Variants in TMEFF1 observed in about 807,000 individuals in gnomAD.
The protein encoded by TMEFF1 is transmembrane protein with EGF like and two follistatin like domains 1.
Under a neutral mutation model 47.5 loss-of-function variants are expected in TMEFF1, and 20 were observed. The observed-to-expected ratio is 0.42, with a 90% CI of 0.30 to 0.61. TMEFF1 has a LOEUF of 0.61. TMEFF1 is among the 20% of genes least tolerant of loss of function. TMEFF1 has a pLI of 0.19. For missense variants in TMEFF1, 411 were observed against 471.1 expected, an observed-to-expected ratio of 0.87 and a Z score of 1.18; for synonymous variants, 162 against 166.3, an observed-to-expected ratio of 0.97 and a Z score of 0.20.
chr9:100,547,687 C>T, intron 5 of TMEFF1, 57 bp from the exon 6 acceptor site: 3 of 1,389,580 alleles, frequency 2.2e-6, no homozygotes, highest in Admixed American at 2.6e-5. Flanking sequence ...TTTGCTGTTG[C>T]AGCATTGTGA....
chr9:100,568,146 A>T (rs1025402026), intron 8 of TMEFF1, among the ~76,000 whole-genome samples: 3 of 152,174 alleles, frequency 2.0e-5, no homozygotes, highest in African/African-American at 7.2e-5. Flanking sequence ...AGATAGTATA[A>T]CCAAAAGTCA....
chr9:100,547,375 A>G (rs1838755573), intron 5 of TMEFF1, among the ~76,000 whole-genome samples: 1 of 152,184 alleles, frequency 6.6e-6, no homozygotes. Context: ...GAATTTGGAT[A>G]CAAATCTGGT....
At chr9:100,506,839 C>A (rs1837873491) in intron 2 of TMEFF1, among the ~76,000 whole-genome samples, 1 of 148,962 alleles carries the variant, frequency 6.7e-6, no homozygotes, top group African/African-American at 2.5e-5. Flanking sequence ...ACTTTGTTAG[C>A]TTTTCTTGTC....
chr9:100,479,583 C>T (rs1186313701), intron 1 of TMEFF1, among the ~76,000 whole-genome samples: 2 of 152,140 alleles, frequency 1.3e-5, no homozygotes, highest in East Asian at 1.9e-4. Flanking sequence ...TATGGATTTG[C>T]CTATTCTAGA....
At chr9:100,575,730 T>G (rs2800284) in intron 9 of TMEFF1, among the ~76,000 whole-genome samples, 38,800 of 151,952 alleles carry the variant, frequency 0.26, 6,374 homozygotes, top group Admixed American at 0.39. Flanking sequence ...TTTTTACATA[T>G]AGGAGAATTG....
intron 2 of TMEFF1, among the ~76,000 whole-genome samples, chr9:100,506,766 C>CAAAAA (rs58345253): frequency 1.4e-4 from 6 of 43,358 alleles, no homozygotes; most frequent in East Asian, 5.9e-4. Flanking sequence ...GACTCCATCT[C>CAAAAA]AAAAAAAAAA....
chr9:100,513,195 G>C, intron 3 of TMEFF1, 112 bp from the exon 4 acceptor site: 1 of 1,390,552 alleles, frequency 7.2e-7, no homozygotes, highest in Non-Finnish European at 9.9e-7. Context: ...ATGAGAAAAG[G>C]ACTCTTTGAG....
At chr9:100,543,704 A>AAAACACACACACACAC (rs1038685574) in intron 5 of TMEFF1, among the ~76,000 whole-genome samples, 1 of 138,824 alleles carries the variant, frequency 7.2e-6, no homozygotes, top group Non-Finnish European at 1.6e-5. Flanking sequence ...GATGAAGTAA[A>AAAACACACACACACAC]ACACACACAC....
intron 1 of TMEFF1, among the ~76,000 whole-genome samples, chr9:100,486,265 T>A (rs1261981315): frequency 6.6e-6 from 1 of 152,194 alleles, no homozygotes; most frequent in Non-Finnish European, 1.5e-5. Context: ...TTTTTGAACT[T>A]GAGTTTTGCT....
At chr9:100,501,312 A>G (rs1010848889) in intron 2 of TMEFF1, among the ~76,000 whole-genome samples, 1 of 152,144 alleles carries the variant, frequency 6.6e-6, no homozygotes, top group East Asian at 1.9e-4. Flanking sequence ...CAACCTTTTG[A>G]TAGTGGATTT....
At chr9:100,574,838 A>G (rs747961449) in intron 9 of TMEFF1, among the ~76,000 whole-genome samples, 1 of 152,174 alleles carries the variant, frequency 6.6e-6, no homozygotes, top group Non-Finnish European at 1.5e-5. Flanking sequence ...CAACTCTTTC[A>G]GTGCTATAAT....
intron 5 of TMEFF1, among the ~76,000 whole-genome samples, chr9:100,543,704 A>AACACATAC (rs1838677415): frequency 7.2e-6 from 1 of 138,824 alleles, no homozygotes; most frequent in Admixed American, 7.3e-5. Context: ...GATGAAGTAA[A>AACACATAC]ACACACACAC....
At chr9:100,519,491 G>T (rs543353136) in intron 5 of TMEFF1, among the ~76,000 whole-genome samples, 2 of 151,810 alleles carry the variant, frequency 1.3e-5, no homozygotes, top group Non-Finnish European at 2.9e-5. Flanking sequence ...AATCATTGAC[G>T]ACTAAAGTCA....
chr9:100,561,384 ATGTTC>A lies in TMEFF1; in HGVS notation c.776-11_776-7del, dbSNP rs1474771403. 6.2e-7 allele frequency: 1 copy of A among 1,609,530 alleles called. No individual in the cohort carries two copies. Among genetic ancestry groups the A allele is most frequent in the African/African-American group, 1.3e-5 (1 of 74,614 alleles). On this transcript the variant is annotated splice_region_variant and splice_polypyrimidine_tract_variant and intron_variant, in intron 7 of 9. Coordinates refer to ENST00000374879, the MANE Select transcript of TMEFF1 (RefSeq NM_003692.5). ...GTTTCATTGTTGAACGATCTGGTTT[ATGTTC>A]TTTTAAGATGCTAGTGATCAAAGAG...
intron 2 of TMEFF1, among the ~76,000 whole-genome samples, chr9:100,505,922 T>C (rs998455040): frequency 6.6e-6 from 1 of 152,202 alleles, no homozygotes; most frequent in Non-Finnish European, 1.5e-5. Flanking sequence ...CAAAGTAACA[T>C]TGACTTATGT....
rs1838243216 is a variant in TMEFF1, at chr9:100,525,760, G to A, written c.560+8989G>A. Among the ~76,000 whole-genome samples, 3 of 152,126 alleles carry A rather than the reference G, an allele frequency of 2.0e-5. No homozygotes were observed. The South Asian group carries it at 6.2e-4, about 32-fold the overall frequency. On this transcript the variant is annotated intron_variant, in intron 5 of 9. Transcript: ENST00000374879. ...GTTTTTCTGGTGACATTAACTCCCT[G>A]CCCCCTCACCCCATGAGTCATCTCA...
intron 1 of TMEFF1, among the ~76,000 whole-genome samples, chr9:100,478,462 T>TGAATTA (rs1837275226): frequency 6.6e-6 from 1 of 152,170 alleles, no homozygotes; most frequent in African/African-American, 2.4e-5. Flanking sequence ...TACAGGTGCG[T>TGAATTA]GCCACCACAC....
intron 7 of TMEFF1, among the ~76,000 whole-genome samples, chr9:100,551,662 T>G (rs569180019): frequency 6.6e-6 from 1 of 152,222 alleles, no homozygotes; most frequent in Non-Finnish European, 1.5e-5. Context: ...AGAATTGATC[T>G]CTAATTTAAA....
intron 1 of TMEFF1, 114 bp from the exon 2 acceptor site, chr9:100,498,651 G>T: frequency 2.4e-6 from 2 of 848,448 alleles, no homozygotes; most frequent in East Asian, 2.7e-5. Flanking sequence ...ACTTCTGAAT[G>T]GGGGGGCTCA....
Sources: allele counts gnomAD v4.1 joint callset (sites outside exome capture counted in the v4.1 genomes callset), GRCh38; gene constraint gnomAD v4.1.1; transcripts MANE v1.5; gene names NCBI Gene and HGNC (gene_info 2026-07-23, HGNC 2026-07-21).